NLGN1: variants seen among roughly 807,000 people sequenced by gnomAD.
NLGN1 encodes the protein neuroligin-1.
NLGN1 carries 12 observed loss-of-function variants against 65.5 expected under a neutral mutation model. The ratio of observed to expected loss-of-function variants is 0.18; its 90% CI spans 0.12 to 0.30. The LOEUF is 0.30. Among genes scored for constraint, NLGN1 ranks in the 10% least tolerant of loss-of-function variants. NLGN1 has a pLI of 1.00. For synonymous variants in NLGN1, 350 were observed against 359.5 expected, an observed-to-expected ratio of 0.97 and a Z score of 0.30; for missense variants, 750 against 1,007.1, an observed-to-expected ratio of 0.74 and a Z score of 3.46.
At chr3:174,039,898 G>A (rs980464330) in intron 4 of NLGN1, among the ~76,000 whole-genome samples, 16 of 152,102 alleles carry the variant, frequency 1.1e-4, no homozygotes, top group Non-Finnish European at 2.1e-4. Context: ...TAGGACTTTC[G>A]TGTTGCAGCA....
At chr3:174,043,020 C>G (rs145091598) in intron 4 of NLGN1, among the ~76,000 whole-genome samples, 8 of 152,146 alleles carry the variant, frequency 5.3e-5, no homozygotes, top group Non-Finnish European at 7.4e-5. Context: ...GAAAGCACCT[C>G]GTCACAGGAT....
chr3:173,539,432 T>C (rs916031133), intron 2 of NLGN1, among the ~76,000 whole-genome samples: 4 of 143,594 alleles, frequency 2.8e-5, no homozygotes, highest in Non-Finnish European at 6.0e-5. Flanking sequence ...ATATATAACA[T>C]ATATATGTAC....
intron 3 of NLGN1, among the ~76,000 whole-genome samples, chr3:173,646,967 C>T (rs1422304405): frequency 6.6e-6 from 1 of 151,908 alleles, no homozygotes; most frequent in Non-Finnish European, 1.5e-5. Context: ...AATATAAAAA[C>T]ACAGGTTAAA....
At chr3:173,513,360 A>G (rs1266760198) in intron 2 of NLGN1, among the ~76,000 whole-genome samples, 1 of 152,160 alleles carries the variant, frequency 6.6e-6, no homozygotes, top group Non-Finnish European at 1.5e-5. Context: ...AGACTTGTTC[A>G]AACTGAGCCT....
At chr3:174,100,676 T>G (rs1712228196) in intron 4 of NLGN1, among the ~76,000 whole-genome samples, 1 of 152,100 alleles carries the variant, frequency 6.6e-6, no homozygotes, top group South Asian at 2.1e-4. Context: ...GGCTGCAGTT[T>G]ATCACTAAAA....
chr3:173,545,610 T>G (rs141795621), intron 2 of NLGN1, among the ~76,000 whole-genome samples: 1 of 152,132 alleles, frequency 6.6e-6, no homozygotes, highest in African/African-American at 2.4e-5. Context: ...CCCAAAGTAT[T>G]ATAAATCATT....
intron 4 of NLGN1, among the ~76,000 whole-genome samples, chr3:174,254,581 A>G (rs540816044): frequency 3.3e-4 from 50 of 152,084 alleles, no homozygotes; most frequent in African/African-American, 1.2e-3. Context: ...ATGAAAATAA[A>G]CATATTACCT....
At chr3:174,255,477 G>A (rs902622031) in intron 4 of NLGN1, among the ~76,000 whole-genome samples, 7 of 147,310 alleles carry the variant, frequency 4.8e-5, no homozygotes, top group Non-Finnish European at 8.9e-5. Context: ...AAGAGCAGTG[G>A]TACTTTGCAG....
At chr3:173,528,533 T>G (rs6808643) in intron 2 of NLGN1, among the ~76,000 whole-genome samples, 15,775 of 152,242 alleles carry the variant, frequency 0.1, 1,450 homozygotes, top group African/African-American at 0.25. Flanking sequence ...AAATATGTTT[T>G]CCACATTTCT....
At chr3:173,476,460 T>C (rs1333944793) in intron 2 of NLGN1, among the ~76,000 whole-genome samples, 1 of 152,196 alleles carries the variant, frequency 6.6e-6, no homozygotes, top group African/African-American at 2.4e-5. Flanking sequence ...TGTGGCCTTT[T>C]TTGGTATATA....
intron 3 of NLGN1, among the ~76,000 whole-genome samples, chr3:173,648,575 C>T (rs1014731673): frequency 6.6e-6 from 1 of 151,694 alleles, no homozygotes; most frequent in Non-Finnish European, 1.5e-5. Context: ...TTTCTTTTTT[C>T]TTTCTTTCTT....
At chr3:173,964,163 G>A (rs1167448594) in intron 4 of NLGN1, among the ~76,000 whole-genome samples, 5 of 152,068 alleles carry the variant, frequency 3.3e-5, no homozygotes, top group Admixed American at 3.3e-4. Flanking sequence ...GAGACGTAGG[G>A]CAGACAGATG....
intron 4 of NLGN1, among the ~76,000 whole-genome samples, chr3:173,939,074 A>C (rs574351095): frequency 3.3e-4 from 50 of 152,372 alleles, no homozygotes; most frequent in Non-Finnish European, 5.3e-4. Flanking sequence ...GCAAAAGGTT[A>C]CATGATATAA....
chr3:173,452,880 T>C (rs1310184628), intron 2 of NLGN1, among the ~76,000 whole-genome samples: 2 of 152,192 alleles, frequency 1.3e-5, no homozygotes, highest in African/African-American at 2.4e-5. Flanking sequence ...AAATTACGTT[T>C]ACATGACACT....
chr3:174,017,685 C>T (rs1412575232), intron 4 of NLGN1, among the ~76,000 whole-genome samples: 1 of 151,880 alleles, frequency 6.6e-6, no homozygotes, highest in African/African-American at 2.4e-5. Context: ...ATGCCCCCGT[C>T]AAGCCGCAAA....
At chr3:173,694,311 T>G (rs1460514888) in intron 3 of NLGN1, among the ~76,000 whole-genome samples, 5 of 152,150 alleles carry the variant, frequency 3.3e-5, no homozygotes, top group Non-Finnish European at 7.4e-5. Flanking sequence ...AAACATTATG[T>G]AATGTAGAGG....
intron 4 of NLGN1, among the ~76,000 whole-genome samples, chr3:174,122,087 G>A (rs780572457): frequency 1.3e-5 from 2 of 151,938 alleles, no homozygotes; most frequent in African/African-American, 2.4e-5. Flanking sequence ...CTTTGGACTG[G>A]CTTTCAGTCA....
intron 2 of NLGN1, among the ~76,000 whole-genome samples, chr3:173,440,685 A>G (rs1354573470): frequency 6.6e-6 from 1 of 152,168 alleles, no homozygotes; most frequent in East Asian, 1.9e-4. Flanking sequence ...TCCATGCTGT[A>G]AAGAGATGTG....
At chr3:173,522,145 T>G (rs1734860172) in intron 2 of NLGN1, among the ~76,000 whole-genome samples, 1 of 152,204 alleles carries the variant, frequency 6.6e-6, no homozygotes, top group African/African-American at 2.4e-5. Context: ...TGTTTCCACT[T>G]CTATGTCCAT....
Sources: allele counts gnomAD v4.1 joint callset (sites outside exome capture counted in the v4.1 genomes callset), GRCh38; gene constraint gnomAD v4.1.1; transcripts MANE v1.5; gene names NCBI Gene and HGNC (gene_info 2026-07-23, HGNC 2026-07-21).